Variants in BEGAIN observed in about 807,000 individuals in gnomAD.
BEGAIN encodes the protein brain-enriched guanylate kinase-associated protein.
Under a neutral mutation model 35.8 loss-of-function variants are expected in BEGAIN, and 19 were observed. The observed-to-expected ratio is 0.53, with a 90% confidence interval of 0.37 to 0.78. The LOEUF (loss-of-function observed/expected upper bound fraction) is 0.78. Ranked by LOEUF, BEGAIN falls within the 30% of genes least tolerant of loss-of-function variation. BEGAIN has a pLI of 0.00. For missense variants in BEGAIN, 795 were observed against 853.6 expected, an observed-to-expected ratio of 0.93 and a Z score of 0.85; for synonymous variants, 462 against 388.6, an observed-to-expected ratio of 1.19 and a Z score of -2.22.
rs1392689744 is a variant in BEGAIN at position 100,538,593 on chromosome 14, C to T, written c.1215G>A (p.Pro405=). The change falls in exon 7 of 7, where the codon CCG becomes CCA. Residue 405 remains proline (P), a synonymous_variant. Transcript: ENST00000554140. ...PAETFRFPAS[P]GPQQALMPPN... Reference sequence around the variant, plus strand: ...GGGGCATCAGGGCCTGCTGGGGACCCGGAGAGGCCGGGAAGCGGAAGGTCT... The same window carrying T: ...GGGGCATCAGGGCCTGCTGGGGACCTGGAGAGGCCGGGAAGCGGAAGGTCT... 2.6e-6 allele frequency: 4 copies of T among 1,546,156 alleles called. No homozygotes were observed. The highest frequency in any genetic ancestry group is 3.5e-6 in the Non-Finnish European group (4 of 1,145,098).
Position 100,567,907 on chromosome 14 carries a change from T to C in BEGAIN, c.71+4A>G. The C allele has an allele frequency of 2.1e-6, 3 of 1,451,614 alleles. No individual in the cohort carries two copies. Among genetic ancestry groups the C allele is most frequent in the Admixed American group, 2.3e-5 (1 of 44,266 alleles). The allele number at this position is 1,451,614 out of a possible 1,614,324, so 89.9% of individuals were successfully genotyped here. ...AGCCGCGGCACGGGAGACGCTCCAC[T>C]CACCTGAGTTTCTCCATGTCTGCGG... is the stretch of plus-strand genomic sequence containing the variant. On this transcript the variant is annotated splice_donor_region_variant and intron_variant, in intron 2 of 6. Transcript: ENST00000554140. The surrounding 1 kb of genome is among the most constrained non-coding windows in gnomAD (Gnocchi z 5.1).
intron 1 of BEGAIN, chr14:100,577,423 G>A (rs188457113): frequency 3.3e-5 from 13 of 399,442 alleles, no homozygotes; most frequent in African/African-American, 2.7e-4. Flanking sequence ...TGCAGCCTCA[G>A]TGGCCGCCTC....
In BEGAIN at chr14:100,545,012, C is replaced by T. The variant is rs1238056060; in HGVS notation, c.288G>A (p.Lys96=). 8.7e-6 allele frequency: 14 copies of T among 1,612,710 alleles called. No individual in the cohort carries two copies. Among genetic ancestry groups the T allele is most frequent in the Non-Finnish European group, 1.2e-5 (14 of 1,179,974 alleles). Residue 96 remains lysine (K), a synonymous_variant, in exon 4 of 7, where the codon AAG becomes AAA. Coordinates refer to ENST00000554140, the MANE Select transcript of BEGAIN (RefSeq NM_001385089.1). ...LQRINQELED[K]LYRMGQHYEE... ...GTGGCGGCCTCACCATGCGGTACAG[C>T]TTGTCCTCCAGCTCCTGGTTGATCC...
At chr14:100,545,525 C>G (rs952889913) in intron 3 of BEGAIN, 2 of 799,896 alleles carry the variant, frequency 2.5e-6, no homozygotes, top group African/African-American at 3.8e-5. Context: ...AGACTCGGTT[C>G]TGCCGGGTAG....
At position 100,538,510 on chromosome 14, in the gene BEGAIN, A is replaced by ATG; in HGVS notation, c.1296_1297dup (p.Met433ThrfsTer2). 1 of 1,530,130 alleles carries ATG rather than the reference A, an allele frequency of 6.5e-7. No individual in the cohort carries two copies. Among genetic ancestry groups the ATG allele is most frequent in the Non-Finnish European group, 8.7e-7 (1 of 1,142,960 alleles). The allele number at this position is 1,530,130 out of a possible 1,614,324, so 94.8% of individuals were successfully genotyped here. ...GCTCAGGGGACGCCACTGGCCCCTC[A>ATG]TGTCCTCCCCGGGGAGCCGGGCGGT... On this transcript the variant is annotated frameshift_variant, in exon 7 of 7. Coordinates refer to ENST00000554140, the MANE Select transcript of BEGAIN (RefSeq NM_001385089.1). LOFTEE classifies it high-confidence loss of function.
rs552559909 is a variant in BEGAIN at position 100,573,835 on chromosome 14, G to A, written c.43-5896C>T. On this transcript the variant is annotated intron_variant, in intron 1 of 6. Coordinates refer to ENST00000554140, the MANE Select transcript of BEGAIN (RefSeq NM_001385089.1). The surrounding 1 kb of genome is among the most constrained non-coding windows in gnomAD (Gnocchi z 4.2). Reference sequence around the variant, plus strand: ...ACACAGCCGCAGCACTGGGGAGGCCGCCAGGGCAGCCACGGTGGGAGGCGA... The same window carrying A: ...ACACAGCCGCAGCACTGGGGAGGCCACCAGGGCAGCCACGGTGGGAGGCGA... Among the ~76,000 whole-genome samples the A allele has an allele frequency of 2.6e-5, 4 of 151,992 alleles. No individual in the cohort carries two copies. The highest frequency in any genetic ancestry group is 5.9e-5 in the Non-Finnish European group (4 of 67,976).
chr14:100,552,254 T>G (rs373929084), intron 2 of BEGAIN, among the ~76,000 whole-genome samples: 3 of 151,352 alleles, frequency 2.0e-5, no homozygotes, highest in African/African-American at 7.3e-5. Flanking sequence ...GTGCAGTGAG[T>G]GGGGGGCATG....
intron 1 of BEGAIN, chr14:100,577,241 A>T: frequency 2.5e-6 from 1 of 398,570 alleles, no homozygotes; most frequent in Non-Finnish European, 4.4e-6. Flanking sequence ...GGGAACTCGG[A>T]GCAGGTCAGC....
intron 1 of BEGAIN, among the ~76,000 whole-genome samples, chr14:100,574,167 C>T (rs1358016621): frequency 6.6e-6 from 1 of 152,218 alleles, no homozygotes; most frequent in Non-Finnish European, 1.5e-5. Context: ...CCAAATGAGC[C>T]GCGGGCTTTC....
chr14:100,546,012 G>C (rs1417327355), intron 3 of BEGAIN: 1 of 154,236 alleles, frequency 6.5e-6, no homozygotes, highest in Admixed American at 6.5e-5. Context: ...TTTTAGAAAA[G>C]TTTGGTGTTT....
chr14:100,565,078 C>T (rs921751718), intron 2 of BEGAIN, among the ~76,000 whole-genome samples: 3 of 152,240 alleles, frequency 2.0e-5, no homozygotes, highest in Admixed American at 1.3e-4. Context: ...CTTCTGTATT[C>T]TGTCCGCTGG....
rs2030820077 is a variant in BEGAIN, at chr14:100,537,986, C to T, written c.1822G>A (p.Gly608Arg). The change falls in exon 7 of 7, where the codon GGA (glycine) becomes AGA (arginine). Residue 608 changes from glycine (G) to arginine (R), a missense_variant. By Grantham distance (125) the Gly-to-Arg change is moderately radical. This residue lies in a region of BEGAIN where 664 missense variants were observed against 647.7 expected (regional missense o/e 1.03). Coordinates refer to ENST00000554140, the MANE Select transcript of BEGAIN (RefSeq NM_001385089.1). ...GCAGGCGCTCAGTTGAGCAAGGTTC[C>T]GTAGAGCTGGGCCTTGGTGAGGCTG... ...KDSLTKAQLY[G>R]TLLN 6.2e-7 allele frequency: 1 copy of T among 1,609,004 alleles called. No homozygotes were observed. The highest frequency in any genetic ancestry group is 8.5e-7 in the Non-Finnish European group (1 of 1,178,658).
At chr14:100,583,335 T>C (rs140089262) in intron 1 of BEGAIN, among the ~76,000 whole-genome samples, 455 of 152,252 alleles carry the variant, frequency 3.0e-3, no homozygotes, top group African/African-American at 0.011. Flanking sequence ...TGTCCATCAT[T>C]CATGGACATG....
intron 1 of BEGAIN, among the ~76,000 whole-genome samples, chr14:100,576,132 G>A (rs191098382): frequency 1.2e-3 from 181 of 152,224 alleles, no homozygotes; most frequent in East Asian, 0.01. Flanking sequence ...ACTGACCCTC[G>A]AGATGCACTT....
At chr14:100,562,994 C>T (rs957450292) in intron 2 of BEGAIN, among the ~76,000 whole-genome samples, 2 of 152,152 alleles carry the variant, frequency 1.3e-5, no homozygotes, top group Non-Finnish European at 2.9e-5. Flanking sequence ...CTCACGGGGC[C>T]CACGCGGGAG....
chr14:100,545,182 C>A (rs747505403), intron 3 of BEGAIN, 116 bp from the exon 4 acceptor site: 1 of 1,561,160 alleles, frequency 6.4e-7, no homozygotes, highest in Non-Finnish European at 8.6e-7. Context: ...TGAGCTCACC[C>A]CACCAGCTTC....
At chr14:100,581,721 C>T (rs888917239) in intron 1 of BEGAIN, among the ~76,000 whole-genome samples, 1 of 152,228 alleles carries the variant, frequency 6.6e-6, no homozygotes, top group Non-Finnish European at 1.5e-5. Flanking sequence ...CAGGCACTCA[C>T]ACCCGTTTCC....
At chr14:100,542,190 G>A (rs563542238) in intron 5 of BEGAIN, among the ~76,000 whole-genome samples, 5 of 152,176 alleles carry the variant, frequency 3.3e-5, no homozygotes, top group South Asian at 2.1e-4. Context: ...TGGAACCACC[G>A]CTCCACTCCA....
At chr14:100,585,529 C>T (rs1383420775) in intron 1 of BEGAIN, among the ~76,000 whole-genome samples, 3 of 150,552 alleles carry the variant, frequency 2.0e-5, no homozygotes, top group Admixed American at 1.3e-4. Flanking sequence ...AAAGTGTTGC[C>T]GTGGAGATGA....
Sources: gnomAD v4.1 joint callset for allele counts (sites outside exome capture counted in the v4.1 genomes callset) on GRCh38, gnomAD v4.1.1 for gene constraint, gnomAD v4.1.1 regional missense constraint, Gnocchi (gnomAD v3.1) non-coding constraint, MANE v1.5 for transcripts, NCBI Gene and HGNC (gene_info 2026-07-23, HGNC 2026-07-21) for gene names.